Variants in JARID2 observed in about 807,000 individuals in gnomAD.
The protein encoded by JARID2 is protein Jumonji.
JARID2 carries 21 observed loss-of-function variants against 125.6 expected under a neutral mutation model. That is an observed-to-expected ratio of 0.17 (90% CI 0.12 to 0.24). The LOEUF is 0.24. Ranked by LOEUF, JARID2 falls within the 10% of genes least tolerant of loss-of-function variation. The probability of loss-of-function intolerance (pLI) is 1.00; values close to 1 mark genes in which losing one functional copy is unlikely to be tolerated. For missense variants in JARID2, 1,303 were observed against 1,639.6 expected (o/e 0.79, Z 3.55); for synonymous variants, 736 against 661.6 (o/e 1.11, Z -1.73).
chr6:15,294,647 G>A (rs1002883340), intron 1 of JARID2, among the ~76,000 whole-genome samples: 1 of 152,192 alleles, frequency 6.6e-6, no homozygotes, highest in Non-Finnish European at 1.5e-5. Flanking sequence ...GAGTGGGGAG[G>A]TTGATGCAGG....
intron 1 of JARID2, among the ~76,000 whole-genome samples, chr6:15,262,059 C>T (rs1004397913): frequency 6.6e-6 from 1 of 151,876 alleles, no homozygotes; most frequent in African/African-American, 2.4e-5. Context: ...GGATTATAGG[C>T]GTGAGCCACC....
At chr6:15,374,361 T>G (rs1764274194) in intron 2 of JARID2, 109 bp downstream of exon 2, 2 of 1,154,814 alleles carry the variant, frequency 1.7e-6, no homozygotes, top group African/African-American at 1.5e-5. Flanking sequence ...TCTAGGCACC[T>G]AAAGGCAGTC....
intron 1 of JARID2, among the ~76,000 whole-genome samples, chr6:15,274,130 G>A (rs532769883): frequency 2.6e-5 from 4 of 152,096 alleles, no homozygotes; most frequent in African/African-American, 9.6e-5. Context: ...GGGTTTCACC[G>A]TTTTGGCCAG....
intron 4 of JARID2, among the ~76,000 whole-genome samples, chr6:15,466,267 T>C (rs1768732382): frequency 6.6e-6 from 1 of 152,134 alleles, no homozygotes; most frequent in African/African-American, 2.4e-5. Context: ...TTCTGAAAAA[T>C]GGTTGAATTG....
chr6:15,453,683 C>T (rs1279219815), intron 4 of JARID2, among the ~76,000 whole-genome samples: 2 of 152,222 alleles, frequency 1.3e-5, no homozygotes, highest in Non-Finnish European at 2.9e-5. Flanking sequence ...TAATCTGTTA[C>T]TCCTATTATG....
intron 1 of JARID2, among the ~76,000 whole-genome samples, chr6:15,373,735 G>T (rs1764252975): frequency 6.6e-6 from 1 of 152,138 alleles, no homozygotes. Flanking sequence ...GTACATTCTG[G>T]CATTGCTCAC....
chr6:15,328,489 T>A (rs1762604317), intron 1 of JARID2, among the ~76,000 whole-genome samples: 1 of 152,196 alleles, frequency 6.6e-6, no homozygotes, highest in Non-Finnish European at 1.5e-5. Context: ...CTTATTATCA[T>A]TTAGTGTCAT....
chr6:15,366,985 T>C (rs1764004504), intron 1 of JARID2, among the ~76,000 whole-genome samples: 1 of 152,194 alleles, frequency 6.6e-6, no homozygotes, highest in Admixed American at 6.5e-5. Flanking sequence ...CTTTGTGTCA[T>C]TGTAGGCTTT....
At chr6:15,417,467 A>G (rs1411307994) in intron 3 of JARID2, among the ~76,000 whole-genome samples, 1 of 152,190 alleles carries the variant, frequency 6.6e-6, no homozygotes, top group Non-Finnish European at 1.5e-5. Context: ...GTTGGGTGCA[A>G]TGGCTCACAC....
chr6:15,348,300 C>A (rs1467181957), intron 1 of JARID2, among the ~76,000 whole-genome samples: 2 of 152,130 alleles, frequency 1.3e-5, no homozygotes, highest in African/African-American at 4.8e-5. Flanking sequence ...CCATGTTGGC[C>A]AGTCCGGTCT....
At position 15,320,885 on chromosome 6, in the gene JARID2, A is replaced by T. The variant is rs12203305; in HGVS notation, c.46-53232A>T. On this transcript the variant is annotated intron_variant, in intron 1 of 17. Coordinates refer to ENST00000341776, the MANE Select transcript of JARID2 (RefSeq NM_004973.4). ...GTGTGTGTGTGTGTGTGTGTGTGTTAGTTAAACTTGCATGTGAAGTATGAC... is the reference window on the plus strand; with the variant it reads ...GTGTGTGTGTGTGTGTGTGTGTGTTTGTTAAACTTGCATGTGAAGTATGAC... Among the ~76,000 whole-genome samples, 93 of 112,394 alleles carry T rather than the reference A, an allele frequency of 8.3e-4. 1 individual carries two copies. The highest frequency in any genetic ancestry group is 4.5e-3 in the South Asian group (15 of 3,312). 73.7% of individuals were successfully genotyped at this position (112,394 alleles called of 152,430 possible).
At chr6:15,266,744 A>C (rs1009197193) in intron 1 of JARID2, among the ~76,000 whole-genome samples, 1 of 152,208 alleles carries the variant, frequency 6.6e-6, no homozygotes, top group African/African-American at 2.4e-5. Flanking sequence ...GTGGACGCAT[A>C]TCTGATTGTG....
intron 1 of JARID2, among the ~76,000 whole-genome samples, chr6:15,359,065 A>G (rs1017707373): frequency 1.3e-5 from 2 of 152,138 alleles, no homozygotes; most frequent in Non-Finnish European, 2.9e-5. Flanking sequence ...TGATAAGAAG[A>G]CTTGTTAGAA....
intron 1 of JARID2, among the ~76,000 whole-genome samples, chr6:15,364,720 C>T (rs1240553809): frequency 3.3e-5 from 5 of 152,202 alleles, no homozygotes; most frequent in African/African-American, 4.8e-5. Context: ...AATGCACTAT[C>T]ACGTAACACG....
intron 3 of JARID2, among the ~76,000 whole-genome samples, chr6:15,445,415 C>T (rs1043225027): frequency 3.9e-5 from 6 of 152,154 alleles, no homozygotes; most frequent in African/African-American, 1.4e-4. Context: ...TAACAACAAA[C>T]AATGAAGATT....
intron 2 of JARID2, 25 bp downstream of exon 2, chr6:15,374,277 A>G (rs9383050): frequency 0.99 from 1,590,328 of 1,611,372 alleles, 784,797 homozygotes; most frequent in East Asian, 1. Context: ...GGAATATCTC[A>G]TTGGAATGTA....
rs1308811529 is a variant in JARID2, at chr6:15,415,448, CA to C, written c.323+5084del. Among the ~76,000 whole-genome samples the C allele has an allele frequency of 2.3e-3, 334 of 147,584 alleles. 1 individual carries two copies. The highest frequency in any genetic ancestry group is 7.4e-3 in the African/African-American group (298 of 40,300). ...GGCGGCTGGCCGGGCGGGGGGCTGA[CA>C]CCCCCACCTCCCTCCCGCACGGGGC... On this transcript the variant is annotated intron_variant, in intron 3 of 17. Transcript: ENST00000341776.
At chr6:15,425,612 T>G (rs1347985440) in intron 3 of JARID2, among the ~76,000 whole-genome samples, 2 of 152,176 alleles carry the variant, frequency 1.3e-5, no homozygotes, top group African/African-American at 4.8e-5. Context: ...CCCCCTTTTG[T>G]CTCTCTTGCC....
chr6:15,297,073 T>C (rs887205983), intron 1 of JARID2, among the ~76,000 whole-genome samples: 1 of 152,210 alleles, frequency 6.6e-6, no homozygotes, highest in African/African-American at 2.4e-5. Context: ...TCTCCATAGG[T>C]GTCGTGACAA....
Sources: gnomAD v4.1 joint callset for allele counts (sites outside exome capture counted in the v4.1 genomes callset) on GRCh38, gnomAD v4.1.1 for gene constraint, MANE v1.5 for transcripts, NCBI Gene and HGNC (gene_info 2026-07-23, HGNC 2026-07-21) for gene names.